Variants in XIRP2 observed in about 807,000 individuals in gnomAD.
The protein encoded by XIRP2 is xin actin binding repeat containing 2.
XIRP2 carries 236 observed loss-of-function variants against 277.0 expected under a neutral mutation model. The observed-to-expected ratio is 0.85, with a 90% CI of 0.77 to 0.95. XIRP2 has a LOEUF of 0.95. Ranked by LOEUF, XIRP2 falls within the 40% of genes least tolerant of loss-of-function variation. The probability of loss-of-function intolerance (pLI) is 0.00; values close to 1 mark genes in which losing one functional copy is unlikely to be tolerated. For missense variants in XIRP2, 4,640 were observed against 4,157.5 expected (o/e 1.12, Z -3.19); for synonymous variants, 1,490 against 1,416.5 (o/e 1.05, Z -1.17).
At chr2:167,182,182 T>C (rs1362469222) in intron 3 of XIRP2, among the ~76,000 whole-genome samples, 1 of 152,198 alleles carries the variant, frequency 6.6e-6, no homozygotes, top group Non-Finnish European at 1.5e-5. Flanking sequence ...TACATGACAC[T>C]TGAATGGGTC....
chr2:166,958,626 G>C (rs534793503), intron 2 of XIRP2, among the ~76,000 whole-genome samples: 1 of 151,860 alleles, frequency 6.6e-6, no homozygotes, highest in African/African-American at 2.4e-5. Flanking sequence ...TTAGGGTTGT[G>C]AGGATAATAC....
At chr2:167,193,681 C>T (rs1380551014) in intron 3 of XIRP2, among the ~76,000 whole-genome samples, 2 of 151,972 alleles carry the variant, frequency 1.3e-5, no homozygotes, top group East Asian at 3.9e-4. Flanking sequence ...AGTTCAACAC[C>T]AGCCTAGCTA....
intron 2 of XIRP2, among the ~76,000 whole-genome samples, chr2:167,101,721 A>G (rs988893652): frequency 6.6e-6 from 1 of 152,190 alleles, no homozygotes; most frequent in Non-Finnish European, 1.5e-5. Flanking sequence ...AAAATATATA[A>G]GAGAATAGTT....
At chr2:167,255,523 A>G (rs1292068052) in intron 10 of XIRP2, among the ~76,000 whole-genome samples, 1 of 151,780 alleles carries the variant, frequency 6.6e-6, no homozygotes, top group Non-Finnish European at 1.5e-5. Flanking sequence ...TAAGCTATAT[A>G]CTTTTCTCCA....
At chr2:167,092,612 A>G (rs74826650) in intron 2 of XIRP2, among the ~76,000 whole-genome samples, 4,472 of 152,216 alleles carry the variant, frequency 0.029, 135 homozygotes, top group East Asian at 0.14. Context: ...ACGGGGCATC[A>G]TTTCTTGAAC....
chr2:166,999,918 A>G (rs915419769), intron 2 of XIRP2, among the ~76,000 whole-genome samples: 3 of 152,144 alleles, frequency 2.0e-5, no homozygotes, highest in Non-Finnish European at 4.4e-5. Flanking sequence ...AAATTATTAT[A>G]AGAAAAAAAT....
At chr2:167,051,743 G>A (rs1289731188) in intron 2 of XIRP2, among the ~76,000 whole-genome samples, 1 of 151,962 alleles carries the variant, frequency 6.6e-6, no homozygotes, top group Non-Finnish European at 1.5e-5. Context: ...AATATATACA[G>A]ACAAAGATAT....
At chr2:167,055,839 G>C (rs1399749386) in intron 2 of XIRP2, among the ~76,000 whole-genome samples, 1 of 152,086 alleles carries the variant, frequency 6.6e-6, no homozygotes, top group African/African-American at 2.4e-5. Flanking sequence ...ATTTTGTAGA[G>C]GGATAGCATA....
At chr2:167,104,887 C>T (rs544983619) in intron 2 of XIRP2, among the ~76,000 whole-genome samples, 18 of 152,060 alleles carry the variant, frequency 1.2e-4, no homozygotes, top group South Asian at 4.1e-4. Flanking sequence ...CCTCATTCTG[C>T]GCATATCTTT....
chr2:167,218,766 C>T (rs1299489374), intron 5 of XIRP2, among the ~76,000 whole-genome samples: 1 of 151,948 alleles, frequency 6.6e-6, no homozygotes, highest in African/African-American at 2.4e-5. Flanking sequence ...ATAGTAGAGC[C>T]CAGATGTTAC....
chr2:166,961,882 C>A (rs1686306522), intron 2 of XIRP2, among the ~76,000 whole-genome samples: 1 of 151,596 alleles, frequency 6.6e-6, no homozygotes, highest in African/African-American at 2.4e-5. Flanking sequence ...ATGTAATAAG[C>A]TACTTTGAAA....
intron 2 of XIRP2, among the ~76,000 whole-genome samples, chr2:166,951,670 A>T (rs1686036636): frequency 6.6e-6 from 1 of 152,058 alleles, no homozygotes; most frequent in Non-Finnish European, 1.5e-5. Context: ...TCAAAATTTC[A>T]TTACTGACCA....
intron 2 of XIRP2, among the ~76,000 whole-genome samples, chr2:166,904,113 T>C (rs995553827): frequency 7.2e-5 from 11 of 152,168 alleles, no homozygotes; most frequent in African/African-American, 2.4e-4. Context: ...AAAACAATAT[T>C]GATATGCCCT....
intron 2 of XIRP2, among the ~76,000 whole-genome samples, chr2:167,052,063 T>C (rs1688926664): frequency 1.3e-5 from 2 of 152,028 alleles, no homozygotes; most frequent in Non-Finnish European, 2.9e-5. Flanking sequence ...AAGCTAAGGA[T>C]ATAAAGTCAC....
chr2:166,968,333 G>A (rs937721384), intron 2 of XIRP2, among the ~76,000 whole-genome samples: 1 of 151,836 alleles, frequency 6.6e-6, no homozygotes, highest in East Asian at 1.9e-4. Context: ...ATACAAAAAG[G>A]CACTTACTGA....
chr2:167,258,828 T>G lies in XIRP2; in HGVS notation c.*1011T>G. 6.2e-7 allele frequency: 1 copy of G among 1,613,122 alleles called. No individual in the cohort carries two copies. The highest frequency in any genetic ancestry group is 8.5e-7 in the Non-Finnish European group (1 of 1,179,558). Reference sequence around the variant, plus strand: ...GAAAATACATCTAGAATCTCAGAGTTACTTGGTATATTTGAATCTGAAAAG... The same window carrying G: ...GAAAATACATCTAGAATCTCAGAGTGACTTGGTATATTTGAATCTGAAAAG... On this transcript the variant is annotated 3_prime_UTR_variant, in exon 11 of 11. Coordinates refer to ENST00000409195, the MANE Select transcript of XIRP2 (RefSeq NM_152381.6).
At chr2:167,107,174 TG>T (rs1178030254) in intron 2 of XIRP2, among the ~76,000 whole-genome samples, 2 of 151,794 alleles carry the variant, frequency 1.3e-5, no homozygotes, top group African/African-American at 2.4e-5. Flanking sequence ...TCAATATTTA[TG>T]TTTTTGTTTC....
At chr2:167,183,204 G>A (rs2105358942) in intron 3 of XIRP2, among the ~76,000 whole-genome samples, 1 of 152,290 alleles carries the variant, frequency 6.6e-6, no homozygotes, top group South Asian at 2.1e-4. Context: ...TGTAGACTAG[G>A]ATAAGACATA....
chr2:166,896,909 A>C (rs1478106315), intron 1 of XIRP2, among the ~76,000 whole-genome samples: 2 of 152,150 alleles, frequency 1.3e-5, no homozygotes, highest in Non-Finnish European at 1.5e-5. Context: ...ACAAATACTT[A>C]CTATTGTGTT....
Sources: gnomAD v4.1 joint callset for allele counts (sites outside exome capture counted in the v4.1 genomes callset) on GRCh38, gnomAD v4.1.1 for gene constraint, MANE v1.5 for transcripts, NCBI Gene and HGNC (gene_info 2026-07-23, HGNC 2026-07-21) for gene names.